The following DYSF variants were observed in gnomAD, a reference collection of about 807,000 sequenced individuals.
The protein encoded by DYSF is dystrophy-associated fer-1-like 1.
A neutral mutation model predicts 274.9 loss-of-function variants in DYSF; 212 were observed. The ratio of observed to expected loss-of-function variants is 0.77; its 90% CI spans 0.69 to 0.86. The LOEUF (loss-of-function observed/expected upper bound fraction) is 0.86. DYSF is among the 40% of genes least tolerant of loss of function. The pLI, the probability that DYSF is intolerant of heterozygous loss-of-function variation, is 0.00. For missense variants in DYSF, 2,666 were observed against 2,783.2 expected, an observed-to-expected ratio of 0.96 and a Z score of 0.95; for synonymous variants, 1,091 against 1,078.7, an observed-to-expected ratio of 1.01 and a Z score of -0.22.
chr2:71,500,096 C>T (rs531617610), intron 3 of DYSF, among the ~76,000 whole-genome samples: 1 of 152,278 alleles, frequency 6.6e-6, no homozygotes, highest in African/African-American at 2.4e-5. Flanking sequence ...GGGCGGGTCT[C>T]CTCAAGGGCC....
intron 4 of DYSF, 51 bp from the exon 5 acceptor site, chr2:71,511,756 G>A (rs2086115550): frequency 5.5e-6 from 6 of 1,093,006 alleles, no homozygotes; most frequent in Non-Finnish European, 8.2e-6. Flanking sequence ...CTGGAGGGCA[G>A]TGGTCCGAGG....
At chr2:71,524,745 T>C (rs1465784096) in intron 12 of DYSF, among the ~76,000 whole-genome samples, 4 of 152,220 alleles carry the variant, frequency 2.6e-5, no homozygotes, top group Non-Finnish European at 5.9e-5. Context: ...TCTGCATGAG[T>C]TGCCTCCTCG....
At chr2:71,657,399 G>A (rs1367508515) in intron 43 of DYSF, among the ~76,000 whole-genome samples, 2 of 152,118 alleles carry the variant, frequency 1.3e-5, no homozygotes, top group Non-Finnish European at 1.5e-5. Context: ...CCAGGTTCAC[G>A]GTACAAGCTG....
chr2:71,596,001 CCT>C (rs2093396336), intron 32 of DYSF, among the ~76,000 whole-genome samples: 2 of 138,862 alleles, frequency 1.4e-5, no homozygotes, highest in South Asian at 5.0e-4. Flanking sequence ...TCCCCTTTTT[CCT>C]TTTTTTTTTT....
At chr2:71,573,093 G>C (rs1215697596) in intron 29 of DYSF, among the ~76,000 whole-genome samples, 1 of 152,172 alleles carries the variant, frequency 6.6e-6, no homozygotes, top group Non-Finnish European at 1.5e-5. Context: ...TTTGAATTTT[G>C]GCTCAAGAAC....
At chr2:71,502,719 C>T (rs956234340) in intron 3 of DYSF, among the ~76,000 whole-genome samples, 17 of 152,226 alleles carry the variant, frequency 1.1e-4, no homozygotes, top group African/African-American at 4.1e-4. Context: ...CCTTTTCTCC[C>T]TGTCCCTGAA....
intron 3 of DYSF, among the ~76,000 whole-genome samples, chr2:71,482,401 G>T (rs1436623466): frequency 6.6e-6 from 1 of 152,234 alleles, no homozygotes; most frequent in Non-Finnish European, 1.5e-5. Flanking sequence ...AGCTTTCCAG[G>T]AATGCTTCAT....
Position 71,598,671 on chromosome 2 carries a change from A to C in DYSF, c.3682A>C (p.Ile1228Leu). Residue 1228 changes from isoleucine (I) to leucine (L), a missense_variant, in exon 33 of 56, where the codon ATC (isoleucine) becomes CTC (leucine). Physicochemically the swap from Ile to Leu is conservative, Grantham distance 5. Around this residue, in one of 3 missense-constraint regions of DYSF, gnomAD observed 1,460 missense variants for 1,502.1 expected, o/e 0.97. Transcript: ENST00000410020. The stretch of plus-strand genomic sequence containing the variant: ...GACGCTCATCTTCTACGAGATCGAG[A>C]TCTTTGGCGAGCCGGCCACAGTTGC... ...DQTLIFYEIE[I>L]FGEPATVAEQ... is the part of the protein sequence containing the mutation. 6.2e-7 allele frequency: 1 copy of C among 1,614,038 alleles called. No individual in the cohort carries two copies. Among genetic ancestry groups the C allele is most frequent in the Non-Finnish European group, 8.5e-7 (1 of 1,180,034 alleles).
chr2:71,644,222 C>T (rs912407563), intron 42 of DYSF, among the ~76,000 whole-genome samples, 159 bp downstream of exon 42: 1 of 152,062 alleles, frequency 6.6e-6, no homozygotes, highest in African/African-American at 2.4e-5. Flanking sequence ...GGTGAGAAAG[C>T]CACCCACCGA....
chr2:71,531,978 T>C (rs1269855217), intron 14 of DYSF, among the ~76,000 whole-genome samples: 2 of 152,226 alleles, frequency 1.3e-5, no homozygotes, highest in Non-Finnish European at 2.9e-5. Context: ...TCTGAGGTAA[T>C]GAGTCAGCAT....
intron 41 of DYSF, among the ~76,000 whole-genome samples, chr2:71,627,789 G>T (rs1002755453): frequency 1.3e-5 from 2 of 151,994 alleles, no homozygotes. Flanking sequence ...TCTTCCTGGA[G>T]AATTGAATCT....
chr2:71,497,292 T>C (rs1310773500), intron 3 of DYSF, among the ~76,000 whole-genome samples: 1 of 152,192 alleles, frequency 6.6e-6, no homozygotes, highest in Non-Finnish European at 1.5e-5. Context: ...GACTGTTTGG[T>C]GGTGATACGG....
intron 14 of DYSF, 76 bp from the exon 15 acceptor site, chr2:71,534,945 G>C: frequency 6.6e-7 from 1 of 1,509,916 alleles, no homozygotes; most frequent in Non-Finnish European, 9.2e-7. Flanking sequence ...AATGGTCACT[G>C]GCTGGCATGT....
intron 26 of DYSF, among the ~76,000 whole-genome samples, chr2:71,569,095 C>T (rs1260605084): frequency 2.0e-5 from 3 of 151,770 alleles, no homozygotes; most frequent in Non-Finnish European, 4.4e-5. Context: ...AGGATGGTCT[C>T]GATCTCCTGA....
chr2:71,667,148 G>C (rs1361180900), intron 47 of DYSF, among the ~76,000 whole-genome samples: 1 of 152,302 alleles, frequency 6.6e-6, no homozygotes, highest in East Asian at 1.9e-4. Flanking sequence ...AGAAATGATG[G>C]CAATGGGGAA....
In DYSF at chr2:71,511,839, G is replaced by A. The variant is rs377056951; in HGVS notation, c.378G>A (p.Pro126=). ...TGGTCCTGCAGGTGTCCTACACACC[G>A]CTGCCTGGAGCTGTGCCCCTGTTCC... ...ASLVLQVSYT[P]LPGAVPLFPP... is the part of the protein sequence containing the mutation. The change falls in exon 5 of 56, where the codon CCG becomes CCA. Residue 126 remains proline, a synonymous_variant. Coordinates refer to ENST00000410020, the MANE Select transcript of DYSF (RefSeq NM_001130987.2). The A allele has an allele frequency of 8.1e-5, 126 of 1,551,352 alleles. No homozygotes were observed. Among genetic ancestry groups the A allele is most frequent in the Non-Finnish European group, 1.0e-4 (119 of 1,146,854 alleles).
intron 1 of DYSF, among the ~76,000 whole-genome samples, chr2:71,467,938 C>G (rs1018218449): frequency 2.0e-5 from 3 of 152,160 alleles, no homozygotes; most frequent in Non-Finnish European, 2.9e-5. Context: ...TGATCTGAAT[C>G]ATATCTCCAA....
chr2:71,595,560 C>T (rs1371341697), intron 32 of DYSF, among the ~76,000 whole-genome samples: 4 of 152,176 alleles, frequency 2.6e-5, no homozygotes, highest in East Asian at 1.9e-4. Context: ...AGGTCCTCCC[C>T]GGAGCTCCAG....
intron 24 of DYSF, among the ~76,000 whole-genome samples, 170 bp downstream of exon 24, chr2:71,564,383 C>G (rs1172999746): frequency 6.6e-6 from 1 of 152,200 alleles, no homozygotes; most frequent in East Asian, 1.9e-4. Context: ...TCGGTTACCC[C>G]CGAAGTCCCC....
Sources: gnomAD v4.1 joint callset for allele counts (sites outside exome capture counted in the v4.1 genomes callset) on GRCh38, gnomAD v4.1.1 for gene constraint, gnomAD v4.1.1 regional missense constraint, MANE v1.5 for transcripts, NCBI Gene and HGNC (gene_info 2026-07-23, HGNC 2026-07-21) for gene names.